The following NTSR1 variants were observed in gnomAD, a reference collection of about 807,000 sequenced individuals.
The protein encoded by NTSR1 is neurotensin receptor type 1.
NTSR1 carries 29 observed loss-of-function variants against 31.2 expected under a neutral mutation model. That is an observed-to-expected ratio of 0.93 (90% CI 0.69 to 1.27). The LOEUF (loss-of-function observed/expected upper bound fraction) is 1.27, where lower values mean the gene tolerates loss of function less well. NTSR1 is among the 50% of genes most tolerant of loss of function. NTSR1 has a pLI of 0.00. For synonymous variants in NTSR1, 282 were observed against 269.9 expected (o/e 1.04, Z -0.44); for missense variants, 697 against 595.4 (o/e 1.17, Z -1.78).
chr20:62,758,317 G>A lies in NTSR1; in HGVS notation c.968G>A (p.Arg323His), dbSNP rs150384345. ...VVCWLPYHVR[R>H]LMFCYISDEQ... The stretch of plus-strand genomic sequence containing the variant: ...TGCTGGCTGCCCTACCACGTGCGGC[G>A]CCTCATGTTCTGCTACATCTCGGAT... Residue 323 changes from arginine (R) to histidine (H), a missense_variant, in exon 3 of 4, where the codon CGC (arginine) becomes CAC (histidine). Physicochemically the swap from Arg to His is conservative, Grantham distance 29 (BLOSUM62 0). Transcript: ENST00000370501. The surrounding 1 kb of genome is among the most constrained non-coding windows in gnomAD (Gnocchi z 4.5). 2.5e-3 allele frequency: 4,000 copies of A among 1,613,690 alleles called. 8 individuals are homozygous for A. Among genetic ancestry groups the A allele is most frequent in the Non-Finnish European group, 3.1e-3 (3,612 of 1,179,912 alleles).
chr20:62,759,987 C>A (rs142994541), intron 3 of NTSR1, 31 bp from the exon 4 acceptor site: 225 of 1,608,504 alleles, frequency 1.4e-4, no homozygotes, highest in Non-Finnish European at 1.8e-4. Flanking sequence ...AGAGTTCTCT[C>A]TGGGATCTGA....
rs1176412572 is a variant in NTSR1 at position 62,754,777 on chromosome 20, G to T, written c.807G>T (p.Gln269His). Residue 269 changes from glutamine to histidine, a missense_variant, in exon 2 of 4, where the codon CAG (glutamine) becomes CAT (histidine). Transcript: ENST00000370501. The part of the protein sequence containing the change: ...IANKLTVMVR[Q>H]AAEQGQVCTV... The stretch of plus-strand genomic sequence containing the variant: ...ACAAGCTGACCGTCATGGTACGCCA[G>T]GCGGCCGAGCAGGGCCAAGTGTGCA... 6.2e-7 allele frequency: 1 copy of T among 1,612,278 alleles called. No homozygotes were observed. The highest frequency in any genetic ancestry group is 1.7e-5 in the Admixed American group (1 of 59,990).
chr20:62,748,383 C>T (rs909192335), intron 1 of NTSR1, among the ~76,000 whole-genome samples: 6 of 151,674 alleles, frequency 4.0e-5, no homozygotes, highest in African/African-American at 1.5e-4. Flanking sequence ...CAGTGCAATC[C>T]CTATCAAAAT....
chr20:62,729,550 C>T (rs553588023), intron 1 of NTSR1, among the ~76,000 whole-genome samples: 1 of 152,196 alleles, frequency 6.6e-6, no homozygotes, highest in East Asian at 1.9e-4. Flanking sequence ...AGAATGCAGA[C>T]CCCAAGGCTC....
chr20:62,726,301 G>A (rs1988905604), intron 1 of NTSR1, among the ~76,000 whole-genome samples: 1 of 152,210 alleles, frequency 6.6e-6, no homozygotes, highest in African/African-American at 2.4e-5. Flanking sequence ...TCCAAGAGCC[G>A]GCAGATCGGC....
At chr20:62,713,438 G>A (rs1416043184) in intron 1 of NTSR1, among the ~76,000 whole-genome samples, 4 of 152,302 alleles carry the variant, frequency 2.6e-5, no homozygotes, top group Non-Finnish European at 5.9e-5. Flanking sequence ...GCCGTTCAGG[G>A]CTGGCAGAAT....
chr20:62,715,982 G>T lies in NTSR1; in HGVS notation c.714+6061G>T, dbSNP rs117240060. Among the ~76,000 whole-genome samples, 419 of 152,334 alleles carry T rather than the reference G, an allele frequency of 2.8e-3. 1 individual carries two copies. The highest frequency in any genetic ancestry group is 4.3e-3 in the Non-Finnish European group (291 of 68,034). On this transcript the variant is annotated intron_variant, in intron 1 of 3. Transcript: ENST00000370501. The surrounding 1 kb of genome is among the most constrained non-coding windows in gnomAD (Gnocchi z 4.7). ...GTTTTTCTCAATCAAATCTCACGTG[G>T]TGATCTAGTAGTTTGTATTAAGAGA...
At chr20:62,722,246 T>C (rs2147134677) in intron 1 of NTSR1, among the ~76,000 whole-genome samples, 1 of 152,296 alleles carries the variant, frequency 6.6e-6, no homozygotes, top group South Asian at 2.1e-4. Context: ...CATTTTCCAA[T>C]ATCCCTTCTC....
At chr20:62,747,531 T>G (rs1206660134) in intron 1 of NTSR1, among the ~76,000 whole-genome samples, 3 of 150,220 alleles carry the variant, frequency 2.0e-5, no homozygotes, top group Non-Finnish European at 4.4e-5. Flanking sequence ...AGGCCACGTA[T>G]GACAGACCCA....
chr20:62,726,464 G>A (rs1192212130), intron 1 of NTSR1, among the ~76,000 whole-genome samples: 3 of 152,158 alleles, frequency 2.0e-5, no homozygotes, highest in Non-Finnish European at 4.4e-5. Context: ...GCAGGACCTC[G>A]CTTAGCACGG....
rs563139226 is a variant in NTSR1 at position 62,736,320 on chromosome 20, G to GC, written c.715-18361dup. Among the ~76,000 whole-genome samples, 468 of 152,356 alleles carry GC rather than the reference G, an allele frequency of 3.1e-3. 7 individuals carry two copies. Among genetic ancestry groups the GC allele is most frequent in the African/African-American group, 0.011 (444 of 41,588 alleles). ...GAGACCCTGGGACCCCAGAGGCAGA[G>GC]CCCCACTCTCTGTACCCTCAGGCGC... is the stretch of plus-strand genomic sequence containing the variant. On this transcript the variant is annotated intron_variant, in intron 1 of 3. Coordinates refer to ENST00000370501, the MANE Select transcript of NTSR1 (RefSeq NM_002531.3).
intron 1 of NTSR1, among the ~76,000 whole-genome samples, chr20:62,751,430 A>G (rs957818503): frequency 6.6e-6 from 1 of 152,246 alleles, no homozygotes; most frequent in Non-Finnish European, 1.5e-5. Flanking sequence ...CTCAAGACAC[A>G]CTGAAAGTCC....
chr20:62,758,002 A>G lies in NTSR1; in HGVS notation c.917-264A>G, dbSNP rs893573223. ...TCAGGTGCAGTGGGTCTCTGAGCCC[A>G]CGTCTCTGTGCCTCAGGTGCAGTGG... On this transcript the variant is annotated intron_variant, in intron 2 of 3. Transcript: ENST00000370501. The surrounding 1 kb of genome is among the most constrained non-coding windows in gnomAD (Gnocchi z 4.5). Among the ~76,000 whole-genome samples, 1 of 146,074 alleles carries G rather than the reference A, an allele frequency of 6.8e-6. No homozygotes were observed.
intron 1 of NTSR1, among the ~76,000 whole-genome samples, chr20:62,746,315 G>A (rs1989300297): frequency 6.6e-6 from 1 of 152,212 alleles, no homozygotes; most frequent in African/African-American, 2.4e-5. Context: ...TCACCTCCAA[G>A]CAGAGGCCTT....
In NTSR1 at chr20:62,709,647, T is replaced by C. The variant is rs1209755573; in HGVS notation, c.440T>C (p.Leu147Pro). 1.2e-6 allele frequency: 2 copies of C among 1,612,530 alleles called. No homozygotes were observed. Among genetic ancestry groups the C allele is most frequent in the South Asian group, 2.2e-5 (2 of 91,070 alleles). The change falls in exon 1 of 4, where the codon CTG becomes CCG. Residue 147 changes from leucine (L) to proline (P), a missense_variant. Coordinates refer to ENST00000370501, the MANE Select transcript of NTSR1 (RefSeq NM_002531.3). ...GCCGGCTGCCGCGGCTACTACTTCC[T>C]GCGCGACGCCTGCACCTACGCCACG... ...GDAGCRGYYFLRDACTYATAL... is the reference protein window; with the variant it reads ...GDAGCRGYYFPRDACTYATAL...
intron 1 of NTSR1, chr20:62,735,189 A>AGC (rs1989069216): frequency 6.6e-6 from 1 of 152,594 alleles, no homozygotes; most frequent in African/African-American, 2.4e-5. Context: ...AACCATGGTT[A>AGC]GGGGGTGGGA....
rs184859924 is a variant in NTSR1 at position 62,753,971 on chromosome 20, G to A, written c.715-714G>A. On this transcript the variant is annotated intron_variant, in intron 1 of 3. Transcript: ENST00000370501. ...AGGAGCGGGACTCAGCTCAGGCCAG[G>A]CTCAAATCCAGGCACAGCCCCCCTT... Among the ~76,000 whole-genome samples the A allele has an allele frequency of 1.9e-3, 296 of 152,340 alleles. 1 individual carries two copies. The highest frequency in any genetic ancestry group is 3.3e-3 in the Non-Finnish European group (222 of 68,034).
chr20:62,746,374 T>C (rs576432319), intron 1 of NTSR1, among the ~76,000 whole-genome samples: 3 of 152,342 alleles, frequency 2.0e-5, no homozygotes, highest in Admixed American at 6.5e-5. Flanking sequence ...AGCATCGCTG[T>C]GTCTGTAGCT....
chr20:62,709,206 C>A lies in NTSR1; in HGVS notation c.-2C>A. 7.0e-7 allele frequency: 1 copy of A among 1,438,282 alleles called. No individual in the cohort carries two copies. The highest frequency in any genetic ancestry group is 9.1e-7 in the Non-Finnish European group (1 of 1,104,646). The allele number at this position is 1,438,282 out of a possible 1,614,324, so 89.1% of individuals were successfully genotyped here. A position where few individuals can be genotyped will look rare whatever the true frequency, so the allele number is the denominator to read the frequency against. Reference sequence around the variant, plus strand: ...ACAGAGCCGCGGACTCCAGCGCCCACCATGCGCCTCAACAGCTCCGCGCCG... The same window carrying A: ...ACAGAGCCGCGGACTCCAGCGCCCAACATGCGCCTCAACAGCTCCGCGCCG... On this transcript the variant is annotated 5_prime_UTR_variant, in exon 1 of 4. Transcript: ENST00000370501.
Sources: allele counts gnomAD v4.1 joint callset (sites outside exome capture counted in the v4.1 genomes callset), GRCh38; gene constraint gnomAD v4.1.1; non-coding constraint Gnocchi (gnomAD v3.1); transcripts MANE v1.5; gene names NCBI Gene and HGNC (gene_info 2026-07-23, HGNC 2026-07-21).